ZNF462: variants seen among roughly 807,000 people sequenced by gnomAD.
ZNF462 encodes the protein zinc finger protein 462.
In ZNF462, 10 loss-of-function variants were observed where a neutral mutation model predicts 201.9. The ratio of observed to expected loss-of-function variants is 0.05; its 90% confidence interval spans 0.03 to 0.08. The LOEUF (loss-of-function observed/expected upper bound fraction) is 0.08, where lower values mean the gene tolerates loss of function less well. ZNF462 is among the 10% of genes least tolerant of loss of function. ZNF462 has a pLI of 1.00. For synonymous variants in ZNF462, 1,227 were observed against 1,193.3 expected, an observed-to-expected ratio of 1.03 and a Z score of -0.58; for missense variants, 2,523 against 3,168.3, an observed-to-expected ratio of 0.80 and a Z score of 4.89.
intron 1 of ZNF462, among the ~76,000 whole-genome samples, chr9:106,884,410 AG>A (rs1004867818): frequency 1.3e-5 from 2 of 152,182 alleles, no homozygotes; most frequent in African/African-American, 2.4e-5. Flanking sequence ...CTAGGAATTT[AG>A]TACCTTCAGA....
intron 1 of ZNF462, among the ~76,000 whole-genome samples, chr9:106,909,770 T>A (rs1333158392): frequency 6.6e-6 from 1 of 152,220 alleles, no homozygotes; most frequent in African/African-American, 2.4e-5. Flanking sequence ...AAGGTCTTGA[T>A]GTATATAGGA....
upstream of ZNF462, among the ~76,000 whole-genome samples, chr9:106,862,600 TCCTCCTCCTCTGCCGCCGCCA>T (rs989277236): frequency 9.6e-5 from 14 of 145,088 alleles, no homozygotes; most frequent in South Asian, 2.4e-4. This position sits in a 1 kb window ranked among gnomAD's most constrained non-coding sequence, Gnocchi z 4.2. Flanking sequence ...CACCACCACC[TCCTCCTCCTCTGCCGCCGCCA>T]CCTCCTCCTC....
intron 11 of ZNF462, among the ~76,000 whole-genome samples, chr9:107,007,050 AC>A (rs1829599308): frequency 6.6e-6 from 1 of 152,086 alleles, no homozygotes; most frequent in Non-Finnish European, 1.5e-5. Flanking sequence ...GGGAGAGGAT[AC>A]TTTTGACAGA....
chr9:106,911,168 C>T (rs1184462366), intron 1 of ZNF462, among the ~76,000 whole-genome samples: 5 of 152,128 alleles, frequency 3.3e-5, no homozygotes, highest in Non-Finnish European at 5.9e-5. Context: ...CTTTCAAGAC[C>T]AGTAATTGTC....
rs1208742248 is a variant in ZNF462, at chr9:106,978,649, T to C, written c.6832+4376T>C. On this transcript the variant is annotated intron_variant, in intron 9 of 12. Coordinates refer to ENST00000277225, the MANE Select transcript of ZNF462 (RefSeq NM_021224.6). The surrounding 1 kb of genome is among the most constrained non-coding windows in gnomAD (Gnocchi z 4.1). ...AGGATGAAGTCAGTGGTAGGACTTT[T>C]GGTAGGTTTTCATTCATGCAACAAA... is the stretch of plus-strand genomic sequence containing the variant. 6.6e-6 allele frequency: 1 copy of C among 151,996 alleles called. No individual in the cohort carries two copies. Among genetic ancestry groups the C allele is most frequent in the African/African-American group, 2.4e-5 (1 of 40,942 alleles). The allele number at this position is 151,996 out of a possible 1,614,324, so 9.4% of individuals were successfully genotyped here.
chr9:106,893,478 T>C (rs558349853), intron 1 of ZNF462, among the ~76,000 whole-genome samples: 2 of 152,314 alleles, frequency 1.3e-5, no homozygotes, highest in South Asian at 4.1e-4. Flanking sequence ...ATTTTAGTGA[T>C]GATAAAGGAC....
At chr9:106,986,463 T>G (rs751533882) in intron 10 of ZNF462, among the ~76,000 whole-genome samples, 1 of 152,226 alleles carries the variant, frequency 6.6e-6, no homozygotes, top group Non-Finnish European at 1.5e-5. Flanking sequence ...TCCTCCACTT[T>G]GAGACCCAAT....
intron 1 of ZNF462, among the ~76,000 whole-genome samples, chr9:106,900,345 G>A (rs1022430934): frequency 7.3e-5 from 11 of 151,390 alleles, no homozygotes; most frequent in African/African-American, 2.7e-4. Context: ...TATAAACATG[G>A]GTGTGCAAGT....
At position 106,978,794 on chromosome 9, in the gene ZNF462, A is replaced by T. The variant is rs904426101; in HGVS notation, c.6832+4521A>T. ...TGTACATTTAACCCAGTTTAGTGGC[A>T]AGTCTTTTAGCTTCTGCCTCTTACA... On this transcript the variant is annotated intron_variant, in intron 9 of 12. Coordinates refer to ENST00000277225, the MANE Select transcript of ZNF462 (RefSeq NM_021224.6). The surrounding 1 kb of genome is among the most constrained non-coding windows in gnomAD (Gnocchi z 4.1). 1 of 162,010 alleles carries T rather than the reference A, an allele frequency of 6.2e-6. No individual in the cohort carries two copies. Among genetic ancestry groups the T allele is most frequent in the African/African-American group, 2.4e-5 (1 of 41,012 alleles). The allele number at this position is 162,010 out of a possible 1,614,324, so 10.0% of individuals were successfully genotyped here.
chr9:106,867,136 A>G (rs1186943310), intron 1 of ZNF462, among the ~76,000 whole-genome samples: 1 of 152,228 alleles, frequency 6.6e-6, no homozygotes, highest in Non-Finnish European at 1.5e-5. Context: ...CTGGTTATCT[A>G]AGACACATCC....
chr9:106,961,807 G>A (rs571793127), intron 7 of ZNF462, among the ~76,000 whole-genome samples: 32 of 152,010 alleles, frequency 2.1e-4, no homozygotes, highest in Non-Finnish European at 4.1e-4. Flanking sequence ...AAGGGTCAAG[G>A]AAAATCTTCG....
At chr9:106,892,676 TCA>T (rs370233412) in intron 1 of ZNF462, among the ~76,000 whole-genome samples, 2 of 147,344 alleles carry the variant, frequency 1.4e-5, no homozygotes, top group South Asian at 2.1e-4. Context: ...AGGCATATAC[TCA>T]CACACACACA....
rs778005703 is a variant in ZNF462 at position 106,928,256 on chromosome 9, A to C, written c.4344A>C (p.Ala1448=). Residue 1448 remains alanine, a synonymous_variant, in exon 3 of 13, where the codon GCA becomes GCC. Coordinates refer to ENST00000277225, the MANE Select transcript of ZNF462 (RefSeq NM_021224.6). This position sits in a 1 kb window ranked among gnomAD's most constrained non-coding sequence, Gnocchi z 9.3. ...PEQEAECPED[A]RLSPEKSLQL... ...AGGAAGCTGAATGTCCAGAGGATGC[A>C]AGACTGTCCCCTGAGAAAAGCCTGC... The C allele has an allele frequency of 6.2e-7, 1 of 1,614,114 alleles. No homozygotes were observed. The highest frequency in any genetic ancestry group is 2.2e-5 in the East Asian group (1 of 44,866).
intron 10 of ZNF462, among the ~76,000 whole-genome samples, chr9:106,998,429 A>G (rs2132548792): frequency 6.6e-6 from 1 of 152,274 alleles, no homozygotes; most frequent in East Asian, 1.9e-4. Context: ...AATCACATAT[A>G]ATTATTATCA....
At chr9:106,873,368 GA>G (rs1407445508) in intron 1 of ZNF462, among the ~76,000 whole-genome samples, 2 of 149,788 alleles carry the variant, frequency 1.3e-5, no homozygotes, top group African/African-American at 4.9e-5. Flanking sequence ...ATCAAACTCA[GA>G]AAAAAAGGAG....
At position 106,925,468 on chromosome 9, in the gene ZNF462, CTT is replaced by C. The variant is rs1477006798; in HGVS notation, c.1557_1558del (p.Tyr520Ter). 2 of 1,614,140 alleles carry C rather than the reference CTT, an allele frequency of 1.2e-6. No individual in the cohort carries two copies. Among genetic ancestry groups the C allele is most frequent in the Admixed American group, 1.7e-5 (1 of 60,016 alleles). ...TCCTCACTGAATGAAGGTGTGGTGTCTTATGAGAGCTCAAGCATCAATGGTAG... is the reference window on the plus strand; with the variant it reads ...TCCTCACTGAATGAAGGTGTGGTGTCATGAGAGCTCAAGCATCAATGGTAG... On this transcript the variant is annotated frameshift_variant, in exon 3 of 13. Coordinates refer to ENST00000277225, the MANE Select transcript of ZNF462 (RefSeq NM_021224.6). LOFTEE classifies it high-confidence loss of function. This position sits in a 1 kb window ranked among gnomAD's most constrained non-coding sequence, Gnocchi z 7.9.
intron 7 of ZNF462, among the ~76,000 whole-genome samples, chr9:106,949,856 C>G (rs1019593386): frequency 3.3e-5 from 5 of 152,194 alleles, no homozygotes; most frequent in Non-Finnish European, 5.9e-5. Flanking sequence ...GTCGCCTAAG[C>G]TAGGGAAATT....
At position 106,868,539 on chromosome 9, in the gene ZNF462, T is replaced by C. The variant is rs562547949; in HGVS notation, c.-31+5184T>C. On this transcript the variant is annotated intron_variant, in intron 1 of 12. Transcript: ENST00000277225. ...TTAAAAGTGACAAATATGTACACTGTAAGTAAGGACTATTAGTTATTTAAT... is the reference window on the plus strand; with the variant it reads ...TTAAAAGTGACAAATATGTACACTGCAAGTAAGGACTATTAGTTATTTAAT... Among the ~76,000 whole-genome samples, 7 of 152,346 alleles carry C rather than the reference T, an allele frequency of 4.6e-5. No individual in the cohort carries two copies. In the East Asian group the frequency reaches 1.3e-3, roughly 29 times the overall value.
rs1362822735 is a variant in ZNF462 at position 106,929,929 on chromosome 9, C to G, written c.5847+170C>G. ...GAGCTTGATTATCTCCCATTCTGTG[C>G]TCACCCCTCTCCTTGGTCCCTTCTC... On this transcript the variant is annotated intron_variant, in intron 3 of 12. Transcript: ENST00000277225. This position sits in a 1 kb window ranked among gnomAD's most constrained non-coding sequence, Gnocchi z 8.7. Among the ~76,000 whole-genome samples the G allele has an allele frequency of 6.6e-6, 1 of 152,088 alleles. No homozygotes were observed. Among genetic ancestry groups the G allele is most frequent in the East Asian group, 1.9e-4 (1 of 5,164 alleles).
Sources: allele counts gnomAD v4.1 joint callset (sites outside exome capture counted in the v4.1 genomes callset), GRCh38; gene constraint gnomAD v4.1.1; non-coding constraint Gnocchi (gnomAD v3.1); transcripts MANE v1.5; gene names NCBI Gene and HGNC (gene_info 2026-07-23, HGNC 2026-07-21).